Variants in SOBP observed in about 807,000 individuals in gnomAD.
The protein encoded by SOBP is sine oculis-binding protein homolog.
A neutral mutation model predicts 53.6 loss-of-function variants in SOBP; 4 were observed. The ratio of observed to expected loss-of-function variants is 0.07; its 90% CI spans 0.04 to 0.17. The LOEUF (loss-of-function observed/expected upper bound fraction) is 0.17, where lower values mean the gene tolerates loss of function less well. SOBP is among the 10% of genes least tolerant of loss of function. The pLI is 1.00. For synonymous variants in SOBP, 584 were observed against 522.6 expected (o/e 1.12, Z -1.60); for missense variants, 1,088 against 1,204.7 (o/e 0.90, Z 1.43).
intron 1 of SOBP, among the ~76,000 whole-genome samples, chr6:107,499,675 T>G (rs1263130893): frequency 1.3e-5 from 2 of 152,320 alleles, no homozygotes; most frequent in East Asian, 3.8e-4. Context: ...CAAAAGGTAT[T>G]TTATTTCTTA....
At chr6:107,505,112 A>G (rs1439587712) in intron 2 of SOBP, among the ~76,000 whole-genome samples, 2 of 152,188 alleles carry the variant, frequency 1.3e-5, no homozygotes, top group African/African-American at 2.4e-5. Flanking sequence ...AATGGGTATT[A>G]TCGATACCTT....
intron 1 of SOBP, among the ~76,000 whole-genome samples, chr6:107,498,772 T>G (rs927720301): frequency 6.6e-6 from 1 of 152,196 alleles, no homozygotes; most frequent in Non-Finnish European, 1.5e-5. Context: ...CTGTGACCTT[T>G]TTTTGTTTTT....
chr6:107,510,730 TG>T (rs1385689985), intron 3 of SOBP: 6 of 152,204 alleles, frequency 3.9e-5, no homozygotes, highest in Non-Finnish European at 8.8e-5. Context: ...GATATGCTAC[TG>T]TCAATTTTCT....
At chr6:107,614,565 G>A (rs907225542) in intron 5 of SOBP, among the ~76,000 whole-genome samples, 2 of 152,220 alleles carry the variant, frequency 1.3e-5, no homozygotes, top group Non-Finnish European at 2.9e-5. Context: ...TCTCTTCTCA[G>A]TATCAGAAGT....
At chr6:107,498,944 A>G (rs1782766441) in intron 1 of SOBP, among the ~76,000 whole-genome samples, 1 of 152,186 alleles carries the variant, frequency 6.6e-6, no homozygotes. Context: ...ATGTAGTATC[A>G]AAACATTGTG....
At chr6:107,595,310 G>A (rs374127264) in intron 5 of SOBP, among the ~76,000 whole-genome samples, 10 of 146,096 alleles carry the variant, frequency 6.8e-5, no homozygotes, top group Non-Finnish European at 1.3e-4. Context: ...ACAAACATTC[G>A]AGTGTCTTTT....
chr6:107,651,701 A>G (rs1276797140), intron 6 of SOBP, among the ~76,000 whole-genome samples: 1 of 152,238 alleles, frequency 6.6e-6, no homozygotes, highest in African/African-American at 2.4e-5. Flanking sequence ...ACTTTCATAG[A>G]TAGAGAGGAG....
intron 3 of SOBP, among the ~76,000 whole-genome samples, chr6:107,523,615 C>T (rs1001988983): frequency 2.0e-5 from 3 of 152,136 alleles, no homozygotes; most frequent in African/African-American, 7.2e-5. Flanking sequence ...CAATTTGCCT[C>T]CCCTAGGAGG....
chr6:107,649,388 G>C (rs1771704899), intron 6 of SOBP, among the ~76,000 whole-genome samples: 1 of 151,730 alleles, frequency 6.6e-6, no homozygotes, highest in Non-Finnish European at 1.5e-5. Flanking sequence ...GGGAGGCTGA[G>C]ATCACTTGAG....
chr6:107,520,274 A>T (rs1322959326), intron 3 of SOBP, among the ~76,000 whole-genome samples: 3 of 152,218 alleles, frequency 2.0e-5, no homozygotes, highest in Non-Finnish European at 4.4e-5. Context: ...AGCTCCTTTA[A>T]ATGGATTGTG....
intron 6 of SOBP, among the ~76,000 whole-genome samples, chr6:107,644,228 TGA>T (rs2115168127): frequency 6.6e-6 from 1 of 151,702 alleles, no homozygotes; most frequent in East Asian, 1.9e-4. Context: ...AGCTTGAACC[TGA>T]GAGACAGAGG....
chr6:107,591,797 A>T (rs141948327), intron 5 of SOBP, among the ~76,000 whole-genome samples: 53 of 152,232 alleles, frequency 3.5e-4, no homozygotes, highest in African/African-American at 1.2e-3. Context: ...ACAGAATTAA[A>T]GTAGTGGGAA....
intron 3 of SOBP, chr6:107,529,421 C>T: frequency 1.0e-6 from 1 of 982,900 alleles, no homozygotes; most frequent in Non-Finnish European, 1.2e-6. Flanking sequence ...AAATATAATC[C>T]AGGTCTTTCA....
At chr6:107,498,970 A>C (rs762040003) in intron 1 of SOBP, among the ~76,000 whole-genome samples, 40 of 152,196 alleles carry the variant, frequency 2.6e-4, no homozygotes, top group Non-Finnish European at 4.9e-4. Context: ...AGGAGATTCC[A>C]TTTTAATTGT....
intron 6 of SOBP, among the ~76,000 whole-genome samples, chr6:107,638,503 G>T (rs1771157462): frequency 6.6e-6 from 1 of 152,118 alleles, no homozygotes; most frequent in Non-Finnish European, 1.5e-5. Context: ...GAGCCAACGT[G>T]CCCAGGCCCC....
chr6:107,578,232 C>A lies in SOBP; in HGVS notation c.574-8848C>A, dbSNP rs12525270. Among the ~76,000 whole-genome samples the A allele has an allele frequency of 5.3e-5, 8 of 150,798 alleles. No homozygotes were observed. The East Asian group carries it at 5.9e-4, about 11-fold the overall frequency. On this transcript the variant is annotated intron_variant, in intron 4 of 6. Transcript: ENST00000317357. ...TTGCAGACTGCCTCTTCCCCCACCC[C>A]GCACCCTCCCTCCCTTCCCCCCATT...
intron 6 of SOBP, among the ~76,000 whole-genome samples, chr6:107,637,788 A>T (rs1771114653): frequency 6.6e-6 from 1 of 152,242 alleles, no homozygotes. Flanking sequence ...CTTGGGACCA[A>T]AATAACATAA....
intron 2 of SOBP, among the ~76,000 whole-genome samples, chr6:107,504,823 G>A (rs1200294247): frequency 6.6e-6 from 1 of 152,222 alleles, no homozygotes; most frequent in African/African-American, 2.4e-5. Flanking sequence ...TACACATCAT[G>A]CTACAGAGAT....
At chr6:107,562,030 CTTTT>C (rs1213715418) in intron 4 of SOBP, among the ~76,000 whole-genome samples, 1 of 130,610 alleles carries the variant, frequency 7.7e-6, no homozygotes. Flanking sequence ...CTCCCTGGTT[CTTTT>C]TTTTTTTTTT....
Sources: gnomAD v4.1 joint callset for allele counts (sites outside exome capture counted in the v4.1 genomes callset) on GRCh38, gnomAD v4.1.1 for gene constraint, MANE v1.5 for transcripts, NCBI Gene and HGNC (gene_info 2026-07-23, HGNC 2026-07-21) for gene names.